FAM149B1: variants seen among roughly 807,000 people sequenced by gnomAD.
The protein encoded by FAM149B1 is primary cilium assembly protein FAM149B1.
FAM149B1 carries 56 observed loss-of-function variants against 75.3 expected under a neutral mutation model. That is an observed-to-expected ratio of 0.74 (90% CI 0.60 to 0.93). The LOEUF is 0.93. FAM149B1 is among the 40% of genes least tolerant of loss of function. FAM149B1 has a pLI of 0.00. For missense variants in FAM149B1, 639 were observed against 708.4 expected (o/e 0.90, Z 1.11); for synonymous variants, 259 against 256.1 (o/e 1.01, Z -0.11).
intron 5 of FAM149B1, among the ~76,000 whole-genome samples, chr10:73,206,236 G>C (rs983193418): frequency 1.6e-4 from 25 of 152,204 alleles, no homozygotes; most frequent in Non-Finnish European, 8.8e-5. Flanking sequence ...TCATGACGTA[G>C]GGTATTGGGT....
intron 5 of FAM149B1, among the ~76,000 whole-genome samples, chr10:73,199,197 T>TTGTTG (rs2042876840): frequency 6.1e-5 from 9 of 146,558 alleles, no homozygotes; most frequent in South Asian, 4.4e-4. Context: ...GTTATCCTTT[T>TTGTTG]TTGTTGTTGT....
intron 10 of FAM149B1, among the ~76,000 whole-genome samples, chr10:73,233,522 T>C (rs964059138): frequency 4.6e-5 from 7 of 152,094 alleles, no homozygotes; most frequent in Non-Finnish European, 1.0e-4. Flanking sequence ...TTTGTGTTTT[T>C]AGTAGAGACA....
At chr10:73,226,064 G>A (rs1194550187) in intron 7 of FAM149B1, among the ~76,000 whole-genome samples, 1 of 151,192 alleles carries the variant, frequency 6.6e-6, no homozygotes, top group Non-Finnish European at 1.5e-5. Flanking sequence ...TAACATGAGT[G>A]TAAAATGGTA....
Position 73,168,237 on chromosome 10 carries a change from G to A in FAM149B1, c.-103G>A. 8 of 1,308,170 alleles carry A rather than the reference G, an allele frequency of 6.1e-6. No individual in the cohort carries two copies. Among genetic ancestry groups the A allele is most frequent in the Non-Finnish European group, 8.3e-6 (8 of 958,104 alleles). 81.0% of individuals were successfully genotyped at this position (1,308,170 alleles called of 1,614,324 possible). ...GACGGGGCCGGTAGGTGGCGGGAGG[G>A]GCCGGGCCGGAGCCGGCGGGAGGGC... On this transcript the variant is annotated 5_prime_UTR_variant, in exon 1 of 14. Coordinates refer to ENST00000242505, the MANE Select transcript of FAM149B1 (RefSeq NM_173348.2).
intron 6 of FAM149B1, among the ~76,000 whole-genome samples, chr10:73,209,047 A>G (rs893715754): frequency 6.6e-6 from 1 of 152,122 alleles, no homozygotes; most frequent in African/African-American, 2.4e-5. Flanking sequence ...TTTTCCCCAC[A>G]TAGTTTGATT....
chr10:73,198,545 C>T (rs2042859057), intron 5 of FAM149B1, among the ~76,000 whole-genome samples: 1 of 152,124 alleles, frequency 6.6e-6, no homozygotes. Flanking sequence ...TGGCTCATGC[C>T]TGTAATCCCA....
intron 12 of FAM149B1, 100 bp downstream of exon 12, chr10:73,235,418 A>G: frequency 6.7e-7 from 1 of 1,487,404 alleles, no homozygotes; most frequent in Non-Finnish European, 8.9e-7. Flanking sequence ...TAGAGGCTTA[A>G]CCCAGAATAA....
intron 5 of FAM149B1, among the ~76,000 whole-genome samples, chr10:73,196,402 G>C (rs565327885): frequency 6.3e-4 from 96 of 151,882 alleles, no homozygotes; most frequent in African/African-American, 2.1e-3. Context: ...GCTCACAGCA[G>C]CCTTGAGCTC....
intron 7 of FAM149B1, among the ~76,000 whole-genome samples, chr10:73,217,798 C>T (rs549351328): frequency 6.6e-6 from 1 of 152,260 alleles, no homozygotes; most frequent in East Asian, 1.9e-4. Flanking sequence ...GGCATGAACA[C>T]CAAGAGGTAG....
intron 10 of FAM149B1, 35 bp downstream of exon 10, chr10:73,233,198 G>T: frequency 2.2e-6 from 3 of 1,392,138 alleles, no homozygotes; most frequent in Non-Finnish European, 2.0e-6. Context: ...GGAAACCGTG[G>T]TAAAACTAAC....
intron 13 of FAM149B1, among the ~76,000 whole-genome samples, chr10:73,239,762 T>C (rs2043900312): frequency 6.6e-6 from 1 of 152,150 alleles, no homozygotes; most frequent in South Asian, 2.1e-4. Context: ...GCAAAATCCA[T>C]ATTCCTATGG....
intron 7 of FAM149B1, among the ~76,000 whole-genome samples, chr10:73,214,198 G>T (rs183074102): frequency 2.7e-4 from 41 of 152,200 alleles, no homozygotes; most frequent in South Asian, 1.0e-3. Context: ...TTTATTTATC[G>T]AATCTAAGTT....
chr10:73,171,350 A>G (rs1843704947), intron 1 of FAM149B1, among the ~76,000 whole-genome samples: 1 of 152,218 alleles, frequency 6.6e-6, no homozygotes, highest in African/African-American at 2.4e-5. Context: ...AATGTATCTT[A>G]ATGGGAGCAA....
chr10:73,197,951 A>G (rs1189414631), intron 5 of FAM149B1, among the ~76,000 whole-genome samples: 3 of 152,202 alleles, frequency 2.0e-5, no homozygotes, highest in Non-Finnish European at 4.4e-5. Context: ...CCCAACAAAA[A>G]TAACTAACTA....
intron 7 of FAM149B1, among the ~76,000 whole-genome samples, chr10:73,217,485 C>T (rs1259804014): frequency 6.6e-6 from 1 of 152,216 alleles, no homozygotes; most frequent in Admixed American, 6.5e-5. Context: ...TTTAGGGTTT[C>T]ACCTGGCTGC....
rs2043663250 is a variant in FAM149B1 at position 73,230,501 on chromosome 10, A to G, written c.1103A>G (p.Asn368Ser). Reference sequence around the variant, plus strand: ...CATGGAATGCCTCTACAGCCAAGAAATCTCTCCCTAATGGACAAGCTCCTG... The same window carrying G: ...CATGGAATGCCTCTACAGCCAAGAAGTCTCTCCCTAATGGACAAGCTCCTG... ...LVHGMPLQPR[N>S]LSLMDKLLDL... is the part of the protein sequence containing the mutation. The change falls in exon 9 of 14, where the codon AAT becomes AGT. Residue 368 changes from asparagine to serine, a missense_variant. Physicochemically the swap from Asn to Ser is conservative, Grantham distance 46 (BLOSUM62 1). Transcript: ENST00000242505. 1 of 1,537,240 alleles carries G rather than the reference A, an allele frequency of 6.5e-7. No homozygotes were observed. Among genetic ancestry groups the G allele is most frequent in the Admixed American group, 2.0e-5 (1 of 50,958 alleles).
chr10:73,234,714 A>G (rs2043782853), intron 10 of FAM149B1, 103 bp from the exon 11 acceptor site: 1 of 1,243,812 alleles, frequency 8.0e-7, no homozygotes. Context: ...CTTTCTGTGC[A>G]CATTAAACTC....
chr10:73,234,488 C>A, intron 10 of FAM149B1: 1 of 267,868 alleles, frequency 3.7e-6, no homozygotes, highest in Non-Finnish European at 7.2e-6. Context: ...GTCAAGAATT[C>A]CATCATCAGC....
At chr10:73,200,482 AC>A (rs774378412) in intron 5 of FAM149B1, 1 of 622,332 alleles carries the variant, frequency 1.6e-6, no homozygotes, top group Non-Finnish European at 3.1e-6. Context: ...TATTGTTGGT[AC>A]ACCAGGGAGA....
Sources: gnomAD v4.1 joint callset for allele counts (sites outside exome capture counted in the v4.1 genomes callset) on GRCh38, gnomAD v4.1.1 for gene constraint, MANE v1.5 for transcripts, NCBI Gene and HGNC (gene_info 2026-07-23, HGNC 2026-07-21) for gene names.